Variants in DMC1 observed in about 807,000 individuals in gnomAD.
DMC1 encodes the protein DNA meiotic recombinase 1, also known as meiotic recombination protein DMC1 homolog.
Under a neutral mutation model 50.1 loss-of-function variants are expected in DMC1, and 27 were observed. That is an observed-to-expected ratio of 0.54 (90% CI 0.40 to 0.74). DMC1 has a LOEUF of 0.74. DMC1 is among the 30% of genes least tolerant of loss of function. The probability of loss-of-function intolerance (pLI) is 0.00; values close to 1 mark genes in which losing one functional copy is unlikely to be tolerated. For synonymous variants in DMC1, 148 were observed against 136.1 expected (o/e 1.09, Z -0.61); for missense variants, 295 against 420.2 (o/e 0.70, Z 2.60).
In DMC1 at chr22:38,552,658, A is replaced by G. The variant is rs1388701677; in HGVS notation, c.421+8T>C. 1 of 1,563,604 alleles carries G rather than the reference A, an allele frequency of 6.4e-7. No individual in the cohort carries two copies. Among genetic ancestry groups the G allele is most frequent in the Non-Finnish European group, 8.8e-7 (1 of 1,134,372 alleles). On this transcript the variant is annotated splice_region_variant and intron_variant, in intron 7 of 13. Coordinates refer to ENST00000216024, the MANE Select transcript of DMC1 (RefSeq NM_007068.4). ...ATTATTATTGTTATTGTTGTTATAT[A>G]TCCTTACCACAGAGGGTATGAGAAA...
downstream of DMC1, among the ~76,000 whole-genome samples, chr22:38,517,662 C>G (rs73157140): frequency 0.03 from 4,631 of 152,224 alleles, 119 homozygotes; most frequent in Non-Finnish European, 0.05. Flanking sequence ...CACAATGAAT[C>G]AAGTAACAAA....
chr22:38,509,816 T>A, the DMC1 span, among the ~76,000 whole-genome samples: 153 of 152,144 alleles, frequency 1.0e-3, no homozygotes, highest in African/African-American at 3.5e-3. Flanking sequence ...ATTACAAGCA[T>A]GCGACATGAC....
chr22:38,543,895 G>A (rs1021045114), intron 8 of DMC1, among the ~76,000 whole-genome samples: 3 of 152,064 alleles, frequency 2.0e-5, no homozygotes, highest in Non-Finnish European at 2.9e-5. Context: ...ATAGCCAGTC[G>A]GAATTAGCTT....
chr22:38,514,780 C>G (rs538994232), downstream of DMC1, among the ~76,000 whole-genome samples: 1 of 152,056 alleles, frequency 6.6e-6, no homozygotes, highest in African/African-American at 2.4e-5. Flanking sequence ...CCTGTATGGT[C>G]TAAAAGGAGA....
chr22:38,520,177 G>C (rs557954443), intron 13 of DMC1, 88 bp from the exon 14 acceptor site: 18 of 1,112,902 alleles, frequency 1.6e-5, no homozygotes, highest in African/African-American at 4.6e-5. Flanking sequence ...GTGCCCATCA[G>C]TCTGAATCTC....
intron 12 of DMC1, 151 bp from the exon 13 acceptor site, chr22:38,521,875 T>G (rs1465560481): frequency 1.4e-6 from 1 of 698,390 alleles, no homozygotes. Flanking sequence ...AACTAAGGAG[T>G]GAGGTGAGTT....
chr22:38,516,047 G>A (rs913698060), downstream of DMC1, among the ~76,000 whole-genome samples: 1 of 152,140 alleles, frequency 6.6e-6, no homozygotes, highest in African/African-American at 2.4e-5. Context: ...ATGGAGAGTG[G>A]AGGACTGGAA....
intron 8 of DMC1, among the ~76,000 whole-genome samples, chr22:38,543,506 G>A (rs1325673728): frequency 1.3e-5 from 2 of 152,148 alleles, no homozygotes; most frequent in Non-Finnish European, 2.9e-5. Context: ...TGGGATTACA[G>A]GTGTGAGCCA....
At chr22:38,544,601 G>A (rs778449820) in intron 8 of DMC1, among the ~76,000 whole-genome samples, 78 of 151,702 alleles carry the variant, frequency 5.1e-4, no homozygotes, top group Non-Finnish European at 8.5e-4. Context: ...TGTCACGGGC[G>A]TATCCCCAAT....
chr22:38,516,668 G>T (rs1207639272), downstream of DMC1, among the ~76,000 whole-genome samples: 1 of 152,098 alleles, frequency 6.6e-6, no homozygotes, highest in South Asian at 2.1e-4. Context: ...TAAAGAGGGG[G>T]TCACCACATG....
At chr22:38,530,948 T>C (rs1049428072) in intron 12 of DMC1, among the ~76,000 whole-genome samples, 2 of 152,174 alleles carry the variant, frequency 1.3e-5, no homozygotes, top group Non-Finnish European at 2.9e-5. Flanking sequence ...CATGCTCCTG[T>C]AATCCCAGTT....
At chr22:38,513,346 G>A in the DMC1 span, among the ~76,000 whole-genome samples, 1 of 152,180 alleles carries the variant, frequency 6.6e-6, no homozygotes, top group African/African-American at 2.4e-5. Flanking sequence ...GTCTCAGGAT[G>A]CACTACCTGA....
intron 13 of DMC1, 87 bp from the exon 14 acceptor site, chr22:38,520,176 A>G (rs558721291): frequency 6.3e-6 from 7 of 1,119,764 alleles, no homozygotes; most frequent in Non-Finnish European, 9.4e-6. Context: ...TGTGCCCATC[A>G]GTCTGAATCT....
chr22:38,569,543 A>G (rs2090617099), intron 1 of DMC1, among the ~76,000 whole-genome samples: 1 of 152,172 alleles, frequency 6.6e-6, no homozygotes, highest in Non-Finnish European at 1.5e-5. Flanking sequence ...GAGTACCCCA[A>G]TTCCACATTT....
chr22:38,560,468 C>A (rs908144757), intron 5 of DMC1, among the ~76,000 whole-genome samples: 11 of 150,178 alleles, frequency 7.3e-5, no homozygotes, highest in Non-Finnish European at 1.6e-4. Context: ...TCCAGCCTAA[C>A]CTATGTTTTA....
intron 2 of DMC1, 109 bp downstream of exon 2, chr22:38,568,097 T>G (rs2090599059): frequency 2.1e-6 from 2 of 968,398 alleles, no homozygotes; most frequent in Middle Eastern, 2.1e-4. Context: ...AATATATAAC[T>G]ATGTGTTATT....
intron 8 of DMC1, chr22:38,549,488 G>A (rs1268469584): frequency 3.1e-5 from 5 of 162,122 alleles, no homozygotes; most frequent in Non-Finnish European, 6.7e-5. Flanking sequence ...GCCAGGTGTG[G>A]TGGCACACAC....
chr22:38,545,463 C>T (rs2090333281), intron 8 of DMC1, among the ~76,000 whole-genome samples: 1 of 152,076 alleles, frequency 6.6e-6, no homozygotes, highest in Admixed American at 6.6e-5. Flanking sequence ...CGCTCTGTCG[C>T]CCAGGCCGGA....
In DMC1 at chr22:38,538,329, G is replaced by T. The variant is rs199712228; in HGVS notation, c.741C>A (p.Ala247=). The change falls in exon 11 of 14, where the codon GCC becomes GCA. Residue 247 remains alanine (A), a synonymous_variant. Transcript: ENST00000216024. The part of the protein sequence containing the change: ...GELAERQQKL[A]QMLSRLQKIS... The stretch of plus-strand genomic sequence containing the variant: ...TTTTTTGGAGTCGTGACAACATCTG[G>T]GCCAATTTTTGCTGCCGTTCGGCCA... The T allele has an allele frequency of 8.1e-6, 13 of 1,613,912 alleles. No individual in the cohort carries two copies. The East Asian group carries it at 2.9e-4, about 36-fold the overall frequency.
Sources: allele counts gnomAD v4.1 joint callset (sites outside exome capture counted in the v4.1 genomes callset), GRCh38; gene constraint gnomAD v4.1.1; transcripts MANE v1.5; gene names NCBI Gene and HGNC (gene_info 2026-07-23, HGNC 2026-07-21).